NOX5: variants seen among roughly 807,000 people sequenced by gnomAD.
The protein encoded by NOX5 is NADPH oxidase, EF-hand calcium binding domain 5.
A neutral mutation model predicts 85.7 loss-of-function variants in NOX5; 76 were observed. The ratio of observed to expected loss-of-function variants is 0.89; its 90% CI spans 0.74 to 1.07. The LOEUF (loss-of-function observed/expected upper bound fraction) is 1.07, where lower values mean the gene tolerates loss of function less well. Among genes scored for constraint, NOX5 ranks in the 50% least tolerant of loss-of-function variants. The probability of loss-of-function intolerance (pLI) is 0.00; values close to 1 mark genes in which losing one functional copy is unlikely to be tolerated. For synonymous variants in NOX5, 405 were observed against 401.4 expected (o/e 1.01, Z -0.11); for missense variants, 973 against 999.5 (o/e 0.97, Z 0.36).
intron 8 of NOX5, 93 bp from the exon 9 acceptor site, chr15:69,038,764 G>A (rs1010255427): frequency 1.9e-6 from 3 of 1,554,906 alleles, no homozygotes; most frequent in Non-Finnish European, 2.7e-6. Context: ...TTTTATGGAG[G>A]AGGAGGGCAG....
chr15:69,062,160 A>G lies in NOX5; in HGVS notation c.*5464A>G, dbSNP rs560016478. 3 of 152,268 alleles carry G rather than the reference A, an allele frequency of 2.0e-5. No individual in the cohort carries two copies. The highest frequency in any genetic ancestry group is 2.0e-4 in the Admixed American group (3 of 15,286). 9.4% of individuals were successfully genotyped at this position (152,268 alleles called of 1,614,324 possible). On this transcript the variant is annotated 3_prime_UTR_variant, in exon 16 of 16. Coordinates refer to ENST00000388866, the MANE Select transcript of NOX5 (RefSeq NM_024505.4). ...TCAGCCAATCATCAAGCCTGTCAAC[A>G]TGGCATTCTAAATGCTTCTCAAGCA...
chr15:69,039,073 C>G (rs1162826667), intron 9 of NOX5, 84 bp downstream of exon 9: 1 of 1,454,072 alleles, frequency 6.9e-7, no homozygotes, highest in South Asian at 1.2e-5. Context: ...ACTCGGAACA[C>G]AGCACTGAAC....
In NOX5 at chr15:69,055,422, C is replaced by G. The variant is rs756842597; in HGVS notation, c.2088C>G (p.Leu696=). 1 of 1,614,054 alleles carries G rather than the reference C, an allele frequency of 6.2e-7. No individual in the cohort carries two copies. Among genetic ancestry groups the G allele is most frequent in the Admixed American group, 1.7e-5 (1 of 60,002 alleles). The change falls in exon 15 of 16, where the codon CTC becomes CTG. Residue 696 remains leucine, a synonymous_variant. Transcript: ENST00000388866. The part of the protein sequence containing the change: ...KAIGLQMALD[L]LANKEKKDSI... ...TTGGCCTGCAGATGGCCCTTGACCT[C>G]CTGGCCAACAAGGAGAAGAAAGACT...
intron 1 of NOX5, among the ~76,000 whole-genome samples, chr15:69,019,389 G>A (rs1185803486): frequency 2.6e-5 from 4 of 152,220 alleles, no homozygotes; most frequent in Non-Finnish European, 4.4e-5. Flanking sequence ...TATCCTCTTT[G>A]TGATATTGTA....
Position 69,037,164 on chromosome 15 carries a change from G to C in NOX5, c.1325G>C (p.Arg442Pro), listed in dbSNP as rs373906925. Reference protein sequence around the residue: ...LEKAIGLAVSRMAAVCIMEVN... With the variant: ...LEKAIGLAVSPMAAVCIMEVN... ...AAGGCCATCGGACTGGCAGTGTCCCGCATGGCAGCCGTGTGCATCATGGAA... is the reference window on the plus strand; with the variant it reads ...AAGGCCATCGGACTGGCAGTGTCCCCCATGGCAGCCGTGTGCATCATGGAA... The change falls in exon 8 of 16, where the codon CGC becomes CCC. Residue 442 changes from arginine to proline, a missense_variant. Transcript: ENST00000388866. The C allele has an allele frequency of 6.2e-6, 10 of 1,613,976 alleles. No homozygotes were observed. Among genetic ancestry groups the C allele is most frequent in the Non-Finnish European group, 7.6e-6 (9 of 1,180,018 alleles).
rs530394047 is a variant in NOX5, at chr15:69,054,752, C to T, written c.2000-582C>T. On this transcript the variant is annotated intron_variant, in intron 14 of 15. Coordinates refer to ENST00000388866, the MANE Select transcript of NOX5 (RefSeq NM_024505.4). ...CTTCCCTGCATATCAGTAGCCTTCA[C>T]GCTATGATCCATTCACTCGACCCTT... is the stretch of plus-strand genomic sequence containing the variant. Among the ~76,000 whole-genome samples the T allele has an allele frequency of 3.9e-5, 6 of 152,278 alleles. No homozygotes were observed. The South Asian group carries it at 1.2e-3, about 32-fold the overall frequency.
At chr15:69,049,400 A>G (rs1009017032) in intron 14 of NOX5, among the ~76,000 whole-genome samples, 11 of 151,632 alleles carry the variant, frequency 7.3e-5, no homozygotes, top group African/African-American at 2.7e-4. Context: ...TATATTGCCC[A>G]GGCTAATTCA....
Position 69,035,398 on chromosome 15 carries a change from G to A in NOX5, c.900G>A (p.Trp300Ter). Reference protein sequence around the residue: ...RRCLTWLRATWLAQVLPLDQN... With the variant: ...RRCLTWLRAT ...GCCTCACCTGGCTGCGGGCCACGTGGCTGGCTCAAGTCCTACCACTGGACC... is the reference window on the plus strand; with the variant it reads ...GCCTCACCTGGCTGCGGGCCACGTGACTGGCTCAAGTCCTACCACTGGACC... The change falls in exon 6 of 16, where the codon TGG (tryptophan) becomes TGA (stop). Residue 300 changes from tryptophan (W) to a stop codon, truncating the protein, a stop_gained. Coordinates refer to ENST00000388866, the MANE Select transcript of NOX5 (RefSeq NM_024505.4). LOFTEE classifies it high-confidence loss of function. 6.2e-7 allele frequency: 1 copy of A among 1,614,196 alleles called. No homozygotes were observed. The highest frequency in any genetic ancestry group is 1.3e-5 in the African/African-American group (1 of 75,058).
intron 7 of NOX5, 139 bp from the exon 8 acceptor site, chr15:69,036,889 A>C: frequency 1.4e-6 from 1 of 701,546 alleles, no homozygotes. Flanking sequence ...CAGCCCCAAC[A>C]TCTTACCCAA....
Position 69,060,510 on chromosome 15 carries a change from C to G in NOX5, c.*3814C>G, listed in dbSNP as rs1293362733. ...AGTATGTATGCGTTTAAGCACTTGT[C>G]ATTTCTAAAAGGATACATGAAAGTA... On this transcript the variant is annotated 3_prime_UTR_variant, in exon 16 of 16. Transcript: ENST00000388866. The G allele has an allele frequency of 1.3e-5, 2 of 152,172 alleles. No homozygotes were observed. The highest frequency in any genetic ancestry group is 6.5e-5 in the Admixed American group (1 of 15,284). The allele number at this position is 152,172 out of a possible 1,614,324, so 9.4% of individuals were successfully genotyped here.
At chr15:69,054,315 T>C (rs1413749647) in intron 14 of NOX5, among the ~76,000 whole-genome samples, 1 of 152,152 alleles carries the variant, frequency 6.6e-6, no homozygotes, top group Admixed American at 6.5e-5. Context: ...ACCTATAACT[T>C]TGTGGCGCAG....
Position 69,038,888 on chromosome 15 carries a change from T to G in NOX5, c.1403T>G (p.Phe468Cys). 1.2e-6 allele frequency: 2 copies of G among 1,614,130 alleles called. No homozygotes were observed. Among genetic ancestry groups the G allele is most frequent in the Non-Finnish European group, 1.7e-6 (2 of 1,180,020 alleles). ...CATCTCCTCATCAAGCGGCCCCCTT[T>G]TTTTCACTATAGACCTGGTGACTAC... ...VTHLLIKRPP[F>C]FHYRPGDYLY... is the part of the protein sequence containing the mutation. Residue 468 changes from phenylalanine to cysteine, a missense_variant, in exon 9 of 16, where the codon TTT (phenylalanine) becomes TGT (cysteine). By Grantham distance (205) the Phe-to-Cys change is radical. Coordinates refer to ENST00000388866, the MANE Select transcript of NOX5 (RefSeq NM_024505.4).
intron 3 of NOX5, 164 bp from the exon 4 acceptor site, chr15:69,031,354 G>A: frequency 1.4e-6 from 1 of 697,618 alleles, no homozygotes; most frequent in Non-Finnish European, 2.3e-6. Flanking sequence ...CTCCACCCGT[G>A]GGGAGGTGTC....
chr15:69,026,481 G>A (rs772034133), intron 1 of NOX5, 47 bp from the exon 2 acceptor site: 21 of 1,612,702 alleles, frequency 1.3e-5, no homozygotes, highest in Non-Finnish European at 1.8e-5. Context: ...GACCTCATAA[G>A]GCTTTGGCCA....
At chr15:69,036,608 AG>A (rs1458177894) in intron 7 of NOX5, among the ~76,000 whole-genome samples, 2 of 152,196 alleles carry the variant, frequency 1.3e-5, no homozygotes, top group African/African-American at 4.8e-5. Flanking sequence ...CACTCAGAAA[AG>A]TAATGAAATT....
chr15:69,039,623 C>A (rs141570960), intron 9 of NOX5, among the ~76,000 whole-genome samples: 328 of 152,240 alleles, frequency 2.2e-3, no homozygotes, highest in Non-Finnish European at 3.6e-3. Flanking sequence ...AAGAGGGCTG[C>A]GATGGGAGAC....
At chr15:69,030,242 C>G (rs1374161172) in intron 3 of NOX5, 1 of 152,170 alleles carries the variant, frequency 6.6e-6, no homozygotes, top group East Asian at 1.9e-4. Flanking sequence ...ATTTCATACT[C>G]ATGGGGTTGA....
At position 69,062,503 on chromosome 15, in the gene NOX5, G is replaced by C. The variant is rs1010691364; in HGVS notation, c.*5807G>C. ...CTACCATTACAGCCAGTATTACCTG[G>C]CCCTTGCCTACCTCTCAGGTCTTGG... On this transcript the variant is annotated 3_prime_UTR_variant, in exon 16 of 16. Transcript: ENST00000388866. 3.3e-5 allele frequency: 5 copies of C among 152,110 alleles called. No individual in the cohort carries two copies. The highest frequency in any genetic ancestry group is 4.8e-5 in the African/African-American group (2 of 41,406). The allele number at this position is 152,110 out of a possible 1,614,324, so 9.4% of individuals were successfully genotyped here. A position where few individuals can be genotyped will look rare whatever the true frequency, so the allele number is the denominator to read the frequency against.
intron 9 of NOX5, among the ~76,000 whole-genome samples, chr15:69,041,566 C>T (rs946235695): frequency 2.0e-5 from 3 of 152,178 alleles, no homozygotes; most frequent in African/African-American, 7.2e-5. Flanking sequence ...CAGTTGTGGC[C>T]AATGCTTCAA....
Sources: gnomAD v4.1 joint callset for allele counts (sites outside exome capture counted in the v4.1 genomes callset) on GRCh38, gnomAD v4.1.1 for gene constraint, MANE v1.5 for transcripts, NCBI Gene and HGNC (gene_info 2026-07-23, HGNC 2026-07-21) for gene names.